AKAP13: variants seen among roughly 807,000 people sequenced by gnomAD.
The protein encoded by AKAP13 is A-kinase anchoring protein 13.
In AKAP13, 80 loss-of-function variants were observed where a neutral mutation model predicts 264.5. The observed-to-expected ratio is 0.30, with a 90% confidence interval of 0.25 to 0.36. AKAP13 has a LOEUF of 0.36. Ranked by LOEUF, AKAP13 falls within the 10% of genes least tolerant of loss-of-function variation. The pLI, the probability that AKAP13 is intolerant of heterozygous loss-of-function variation, is 1.00. For synonymous variants in AKAP13, 1,380 were observed against 1,250.2 expected, an observed-to-expected ratio of 1.10 and a Z score of -2.19; for missense variants, 3,712 against 3,435.2, an observed-to-expected ratio of 1.08 and a Z score of -2.01.
intron 4 of AKAP13, among the ~76,000 whole-genome samples, chr15:85,542,277 G>T (rs1047493140): frequency 6.6e-6 from 1 of 152,174 alleles, no homozygotes; most frequent in African/African-American, 2.4e-5. Flanking sequence ...TGTGCCTCTG[G>T]TTAAACACCC....
intron 8 of AKAP13, among the ~76,000 whole-genome samples, chr15:85,591,687 G>A (rs984676907): frequency 1.2e-4 from 19 of 152,084 alleles, no homozygotes; most frequent in Non-Finnish European, 1.3e-4. Context: ...TTCATAGTAT[G>A]TCCCAGTACT....
intron 10 of AKAP13, among the ~76,000 whole-genome samples, chr15:85,653,047 C>T (rs1464135887): frequency 6.6e-6 from 1 of 152,196 alleles, no homozygotes; most frequent in Non-Finnish European, 1.5e-5. Context: ...CCGAGATATT[C>T]ACGAGACCAT....
At position 85,715,857 on chromosome 15, in the gene AKAP13, T is replaced by A; in HGVS notation, c.5669T>A (p.Phe1890Tyr). ...GATGAAACCGCTACCACCCCAATATTTGCCAATAGACGATCCCAGCAGAGT... is the reference window on the plus strand; with the variant it reads ...GATGAAACCGCTACCACCCCAATATATGCCAATAGACGATCCCAGCAGAGT... ...LVDETATTPI[F>Y]ANRRSQQSVS... The change falls in exon 20 of 37, where the codon TTT (phenylalanine) becomes TAT (tyrosine). Residue 1890 changes from phenylalanine to tyrosine, a missense_variant. Physicochemically the swap from Phe to Tyr is conservative, Grantham distance 22. Coordinates refer to ENST00000394518, the MANE Select transcript of AKAP13 (RefSeq NM_007200.5). 2.5e-6 allele frequency: 4 copies of A among 1,613,486 alleles called. No homozygotes were observed. In the South Asian group the frequency reaches 4.4e-5, roughly 18 times the overall value.
intron 32 of AKAP13, 120 bp downstream of exon 32, chr15:85,735,750 T>C (rs549853188): frequency 1.2e-5 from 12 of 1,027,602 alleles, no homozygotes; most frequent in Admixed American, 2.7e-5. Context: ...TTAATAAAAT[T>C]ATTTTCAGGG....
intron 5 of AKAP13, among the ~76,000 whole-genome samples, chr15:85,562,815 C>A (rs1567126897): frequency 6.8e-6 from 1 of 147,840 alleles, no homozygotes; most frequent in East Asian, 2.0e-4. Context: ...CCTGCCTCAG[C>A]CTCCTGAGTA....
chr15:85,499,146 G>T (rs933296727), intron 2 of AKAP13, among the ~76,000 whole-genome samples: 1 of 152,044 alleles, frequency 6.6e-6, no homozygotes, highest in Non-Finnish European at 1.5e-5. Context: ...TTTTTTAAAG[G>T]CTAGCTTCCT....
intron 8 of AKAP13, among the ~76,000 whole-genome samples, chr15:85,590,939 C>T (rs1331938558): frequency 6.6e-6 from 1 of 152,134 alleles, no homozygotes; most frequent in Non-Finnish European, 1.5e-5. Context: ...ATGCTATTCA[C>T]TTATTTTAGT....
chr15:85,480,460 T>C (rs2075314246), intron 1 of AKAP13, among the ~76,000 whole-genome samples: 1 of 152,226 alleles, frequency 6.6e-6, no homozygotes. Flanking sequence ...ATTATTATGC[T>C]CTTTCTGCAC....
At chr15:85,538,401 A>G (rs2077471376) in intron 4 of AKAP13, among the ~76,000 whole-genome samples, 1 of 152,078 alleles carries the variant, frequency 6.6e-6, no homozygotes, top group South Asian at 2.1e-4. Flanking sequence ...CCAATTCTAT[A>G]CATCTGATAT....
chr15:85,652,278 G>C (rs903621636), intron 10 of AKAP13, among the ~76,000 whole-genome samples: 1 of 151,254 alleles, frequency 6.6e-6, no homozygotes, highest in East Asian at 2.0e-4. Flanking sequence ...CTTCAGATTC[G>C]TTAAGTGCCA....
At chr15:85,431,837 A>G (rs761441738) in intron 1 of AKAP13, among the ~76,000 whole-genome samples, 17 of 152,214 alleles carry the variant, frequency 1.1e-4, no homozygotes, top group South Asian at 2.1e-4. Context: ...TAGCAGATCA[A>G]CTCTACGATA....
Position 85,607,178 on chromosome 15 carries a change from T to TA in AKAP13, c.4161+21355_4161+21356insA, listed in dbSNP as rs2080391627. Reference sequence around the variant, plus strand: ...TTCAGATACTTAGTAGTTCCTTTATTCTTAGTTTTTGAGGTAGCTCCCTAC... The same window carrying TA: ...TTCAGATACTTAGTAGTTCCTTTATTACTTAGTTTTTGAGGTAGCTCCCTAC... On this transcript the variant is annotated intron_variant, in intron 8 of 36. Transcript: ENST00000394518. Among the ~76,000 whole-genome samples the TA allele has an allele frequency of 2.6e-5, 4 of 152,120 alleles. No homozygotes were observed. The South Asian group carries it at 8.3e-4, about 32-fold the overall frequency.
intron 4 of AKAP13, among the ~76,000 whole-genome samples, chr15:85,540,137 G>C (rs1392277769): frequency 3.9e-5 from 6 of 152,264 alleles, no homozygotes; most frequent in South Asian, 2.1e-4. Context: ...TAGGGCAGGA[G>C]GGGGAGGGAA....
intron 8 of AKAP13, among the ~76,000 whole-genome samples, chr15:85,592,194 A>G (rs554206456): frequency 4.1e-4 from 62 of 152,136 alleles, no homozygotes; most frequent in African/African-American, 1.4e-3. Flanking sequence ...TTGCCTGTTA[A>G]TATCTTCCTG....
chr15:85,639,255 G>C (rs908222481), intron 8 of AKAP13, 119 bp from the exon 9 acceptor site: 33 of 678,556 alleles, frequency 4.9e-5, no homozygotes, highest in Admixed American at 4.1e-4. Flanking sequence ...ACATAAGTTT[G>C]CTCACCCTGT....
chr15:85,576,712 C>T (rs1286747333), intron 6 of AKAP13, among the ~76,000 whole-genome samples: 1 of 152,204 alleles, frequency 6.6e-6, no homozygotes, highest in Non-Finnish European at 1.5e-5. Context: ...GATGCTCCCA[C>T]TTTTGTGTTT....
At chr15:85,434,912 G>C in intron 1 of AKAP13, among the ~76,000 whole-genome samples, 1 of 150,928 alleles carries the variant, frequency 6.6e-6, no homozygotes, top group East Asian at 1.9e-4. Context: ...AATGCAGAGC[G>C]CCTCTCCTCC....
At chr15:85,550,627 C>T (rs956990243) in intron 5 of AKAP13, among the ~76,000 whole-genome samples, 2 of 152,188 alleles carry the variant, frequency 1.3e-5, no homozygotes, top group Non-Finnish European at 2.9e-5. Flanking sequence ...AGTGGGTCCT[C>T]AGTAGCCCAT....
At chr15:85,602,535 G>A (rs184604145) in intron 8 of AKAP13, among the ~76,000 whole-genome samples, 1 of 152,120 alleles carries the variant, frequency 6.6e-6, no homozygotes, top group East Asian at 1.9e-4. Context: ...CACCCAGGCT[G>A]GAGTGCAGTG....
Sources: allele counts gnomAD v4.1 joint callset (sites outside exome capture counted in the v4.1 genomes callset), GRCh38; gene constraint gnomAD v4.1.1; transcripts MANE v1.5; gene names NCBI Gene and HGNC (gene_info 2026-07-23, HGNC 2026-07-21).